The following DAGLA variants were observed in gnomAD, a reference collection of about 807,000 sequenced individuals.
DAGLA encodes diacylglycerol lipase alpha, also known as diacylglycerol lipase-alpha.
In DAGLA, 22 loss-of-function variants were observed where a neutral mutation model predicts 102.6. The ratio of observed to expected loss-of-function variants is 0.21; its 90% CI spans 0.15 to 0.31. The LOEUF (loss-of-function observed/expected upper bound fraction) is 0.31. Among genes scored for constraint, DAGLA ranks in the 10% least tolerant of loss-of-function variants. DAGLA has a pLI of 1.00. For synonymous variants in DAGLA, 578 were observed against 628.9 expected (o/e 0.92, Z 1.21); for missense variants, 927 against 1,446.6 (o/e 0.64, Z 5.83).
chr11:61,723,668 G>T, intron 5 of DAGLA, 96 bp downstream of exon 5: 2 of 1,497,596 alleles, frequency 1.3e-6, no homozygotes, highest in East Asian at 4.6e-5. Flanking sequence ...AGGCCTCCCA[G>T]ACTGCATGCC....
chr11:61,712,775 G>T (rs1322663007), intron 1 of DAGLA, among the ~76,000 whole-genome samples: 3 of 152,216 alleles, frequency 2.0e-5, no homozygotes, highest in Non-Finnish European at 2.9e-5. Context: ...GGGAAGAAGG[G>T]GAAGGTACTG....
At position 61,743,839 on chromosome 11, in the gene DAGLA, A is replaced by G; in HGVS notation, c.2479A>G (p.Ile827Val). 6.2e-7 allele frequency: 1 copy of G among 1,612,480 alleles called. No homozygotes were observed. Among genetic ancestry groups the G allele is most frequent in the Non-Finnish European group, 8.5e-7 (1 of 1,179,898 alleles). ...EGHLFYIDPA[I>V]PEENPSLSSR... Reference sequence around the variant, plus strand: ...CCACCTCTTCTACATTGACCCTGCCATCCCCGAGGAAAACCCATCCCTGAG... The same window carrying G: ...CCACCTCTTCTACATTGACCCTGCCGTCCCCGAGGAAAACCCATCCCTGAG... Residue 827 changes from isoleucine (I) to valine (V), a missense_variant, in exon 20 of 20, where the codon ATC becomes GTC. Transcript: ENST00000257215.
At chr11:61,714,962 G>A (rs999258604) in intron 1 of DAGLA, among the ~76,000 whole-genome samples, 6 of 152,154 alleles carry the variant, frequency 3.9e-5, no homozygotes, top group East Asian at 1.9e-4. Flanking sequence ...CCAGATGACA[G>A]GCGCTGTTTG....
At position 61,737,785 on chromosome 11, in the gene DAGLA, T is replaced by C. The variant is rs754526205; in HGVS notation, c.1583+30T>C. 8.0e-5 allele frequency: 129 copies of C among 1,603,382 alleles called. No homozygotes were observed. The Admixed American group carries it at 2.2e-3, about 27-fold the overall frequency. Reference sequence around the variant, plus strand: ...GTCCTTGGCCCCGCTCCATGGTCCCTTGCCAGGCTGTTCCTCCCTCCTCCA... The same window carrying C: ...GTCCTTGGCCCCGCTCCATGGTCCCCTGCCAGGCTGTTCCTCCCTCCTCCA... On this transcript the variant is annotated intron_variant, in intron 15 of 19. Coordinates refer to ENST00000257215, the MANE Select transcript of DAGLA (RefSeq NM_006133.3).
chr11:61,695,687 C>A (rs1004883000), intron 1 of DAGLA, among the ~76,000 whole-genome samples: 2 of 152,222 alleles, frequency 1.3e-5, no homozygotes, highest in Admixed American at 1.3e-4. Flanking sequence ...CCTCTTTGCT[C>A]CTCCTCTCTC....
In DAGLA at chr11:61,734,872, C is replaced by T. The variant is rs759541090; in HGVS notation, c.998C>T (p.Pro333Leu). 28 of 1,613,698 alleles carry T rather than the reference C, an allele frequency of 1.7e-5. No individual in the cohort carries two copies. The highest frequency in any genetic ancestry group is 2.1e-5 in the Non-Finnish European group (25 of 1,179,766). ...SCSCCLCPAR[P>L]RFAPGVTIEE... ...AGGTGTTGCCTGTGTCCTGCGAGGC[C>T]GCGGTTCGCCCCTGGAGTCACCATC... is the stretch of plus-strand genomic sequence containing the variant. The change falls in exon 10 of 20, where the codon CCG (proline) becomes CTG (leucine). Residue 333 changes from proline (P) to leucine (L), a missense_variant. This residue lies in a region of DAGLA where 44 missense variants were observed against 44.0 expected (regional missense o/e 1.00). Coordinates refer to ENST00000257215, the MANE Select transcript of DAGLA (RefSeq NM_006133.3). This position sits in a 1 kb window ranked among gnomAD's most constrained non-coding sequence, Gnocchi z 4.2.
intron 6 of DAGLA, 113 bp from the exon 7 acceptor site, chr11:61,728,040 C>A: frequency 7.9e-7 from 1 of 1,271,522 alleles, no homozygotes; most frequent in Non-Finnish European, 1.1e-6. Flanking sequence ...GTCCAGGGGA[C>A]CCCGAGCAGA....
intron 1 of DAGLA, among the ~76,000 whole-genome samples, chr11:61,694,558 C>G (rs1465836838): frequency 6.6e-6 from 1 of 152,204 alleles, no homozygotes; most frequent in Non-Finnish European, 1.5e-5. Flanking sequence ...GGCTGCCTGT[C>G]AGTTGTCAGG....
chr11:61,691,240 A>G (rs2065022277), intron 1 of DAGLA, among the ~76,000 whole-genome samples: 1 of 152,226 alleles, frequency 6.6e-6, no homozygotes, highest in African/African-American at 2.4e-5. Flanking sequence ...TTTAACCTTA[A>G]TGGTGTAATG....
At chr11:61,682,839 A>G in intron 1 of DAGLA, among the ~76,000 whole-genome samples, 2 of 106,320 alleles carry the variant, frequency 1.9e-5, no homozygotes, top group East Asian at 3.9e-4. Context: ...TTGAGGCTGG[A>G]TGGCAGGGGG....
intron 1 of DAGLA, among the ~76,000 whole-genome samples, chr11:61,685,481 A>G (rs1006849925): frequency 6.6e-6 from 1 of 152,202 alleles, no homozygotes; most frequent in Admixed American, 6.5e-5. Flanking sequence ...CAGCAAGAGT[A>G]TATCTTAGCC....
intron 1 of DAGLA, among the ~76,000 whole-genome samples, chr11:61,701,788 T>G (rs1337966705): frequency 6.6e-6 from 1 of 152,050 alleles, no homozygotes; most frequent in Non-Finnish European, 1.5e-5. Flanking sequence ...CTTGTTTTGT[T>G]TTTAGAGACA....
At chr11:61,722,778 G>A in intron 3 of DAGLA, 81 bp from the exon 4 acceptor site, 2 of 1,249,374 alleles carry the variant, frequency 1.6e-6, no homozygotes, top group Non-Finnish European at 2.3e-6. Context: ...CCAGCGATAG[G>A]AAAGGCCAGG....
chr11:61,739,694 G>A, intron 17 of DAGLA, 33 bp downstream of exon 17: 1 of 1,603,730 alleles, frequency 6.2e-7, no homozygotes, highest in Non-Finnish European at 8.5e-7. Context: ...GCTGCAGGGG[G>A]TAGTGGCCAG....
intron 1 of DAGLA, among the ~76,000 whole-genome samples, chr11:61,711,837 G>C (rs762885029): frequency 6.6e-6 from 1 of 152,210 alleles, no homozygotes; most frequent in Non-Finnish European, 1.5e-5. Flanking sequence ...TGGCTCTGCC[G>C]CTGAAGAGCT....
chr11:61,731,131 A>G (rs2065370207), intron 8 of DAGLA, among the ~76,000 whole-genome samples, 186 bp from the exon 9 acceptor site: 3 of 152,182 alleles, frequency 2.0e-5, no homozygotes, highest in Admixed American at 2.0e-4. Flanking sequence ...ATAATTAGGG[A>G]AATGCAATTA....
chr11:61,743,837 C>T lies in DAGLA; in HGVS notation c.2477C>T (p.Ala826Val). The T allele has an allele frequency of 6.2e-7, 1 of 1,612,570 alleles. No homozygotes were observed. The highest frequency in any genetic ancestry group is 8.5e-7 in the Non-Finnish European group (1 of 1,179,926). Reference sequence around the variant, plus strand: ...GGCCACCTCTTCTACATTGACCCTGCCATCCCCGAGGAAAACCCATCCCTG... The same window carrying T: ...GGCCACCTCTTCTACATTGACCCTGTCATCCCCGAGGAAAACCCATCCCTG... Reference protein sequence around the residue: ...DEGHLFYIDPAIPEENPSLSS... With the variant: ...DEGHLFYIDPVIPEENPSLSS... The change falls in exon 20 of 20, where the codon GCC (alanine) becomes GTC (valine). Residue 826 changes from alanine (A) to valine (V), a missense_variant. Ala to Val is a moderately conservative substitution (Grantham distance 64). Transcript: ENST00000257215.
chr11:61,721,974 C>T (rs1245147587), intron 3 of DAGLA, among the ~76,000 whole-genome samples: 1 of 152,230 alleles, frequency 6.6e-6, no homozygotes, highest in Non-Finnish European at 1.5e-5. Context: ...CCAGGCTGCC[C>T]CCATGAGGCC....
At chr11:61,685,336 A>G (rs1473577549) in intron 1 of DAGLA, among the ~76,000 whole-genome samples, 6 of 152,188 alleles carry the variant, frequency 3.9e-5, no homozygotes, top group African/African-American at 1.4e-4. Flanking sequence ...AATCCTTTCC[A>G]TAGAGAAGTG....
Sources: allele counts gnomAD v4.1 joint callset (sites outside exome capture counted in the v4.1 genomes callset), GRCh38; gene constraint gnomAD v4.1.1; regional missense constraint gnomAD v4.1.1; non-coding constraint Gnocchi (gnomAD v3.1); transcripts MANE v1.5; gene names NCBI Gene and HGNC (gene_info 2026-07-23, HGNC 2026-07-21).